The following NELL1 variants were observed in gnomAD, a reference collection of about 807,000 sequenced individuals.
The protein encoded by NELL1 is protein kinase C-binding protein NELL1.
NELL1 carries 76 observed loss-of-function variants against 107.4 expected under a neutral mutation model. That is an observed-to-expected ratio of 0.71 (90% CI 0.59 to 0.86). The LOEUF (loss-of-function observed/expected upper bound fraction) is 0.86, where lower values mean the gene tolerates loss of function less well. NELL1 is among the 40% of genes least tolerant of loss of function. The pLI, the probability that NELL1 is intolerant of heterozygous loss-of-function variation, is 0.00. For missense variants in NELL1, 1,024 were observed against 1,005.5 expected (o/e 1.02, Z -0.25); for synonymous variants, 353 against 341.2 (o/e 1.03, Z -0.38).
chr11:21,327,860 G>A (rs905838024), intron 14 of NELL1, among the ~76,000 whole-genome samples: 1 of 152,096 alleles, frequency 6.6e-6, no homozygotes, highest in Admixed American at 6.6e-5. Context: ...AGAGACTGGT[G>A]GCATTTTGCA....
At chr11:21,527,348 G>A (rs1035819845) in intron 15 of NELL1, among the ~76,000 whole-genome samples, 1 of 152,068 alleles carries the variant, frequency 6.6e-6, no homozygotes, top group Non-Finnish European at 1.5e-5. Context: ...TGTCTTCTGA[G>A]CATCCCGAGT....
At chr11:21,072,318 G>T (rs1854034562) in intron 12 of NELL1, among the ~76,000 whole-genome samples, 1 of 152,142 alleles carries the variant, frequency 6.6e-6, no homozygotes, top group South Asian at 2.1e-4. Context: ...TTATTTGAAG[G>T]AAAGAACAAT....
intron 3 of NELL1, among the ~76,000 whole-genome samples, chr11:20,833,926 G>A (rs961677989): frequency 6.6e-6 from 1 of 152,212 alleles, no homozygotes. Context: ...AGGGGCTAAA[G>A]CATGTAGTTT....
chr11:20,693,197 G>A (rs1384835295), intron 2 of NELL1, among the ~76,000 whole-genome samples: 2 of 151,806 alleles, frequency 1.3e-5, no homozygotes, highest in Non-Finnish European at 2.9e-5. Context: ...CGTGAGATGG[G>A]TTTCCTGAAT....
intron 4 of NELL1, among the ~76,000 whole-genome samples, chr11:20,853,389 C>T (rs1234417059): frequency 4.6e-5 from 7 of 152,114 alleles, no homozygotes; most frequent in Non-Finnish European, 7.3e-5. Flanking sequence ...TTTTATGTAA[C>T]GATGCAGGAG....
At chr11:21,299,509 A>ATGTG (rs1443374912) in intron 14 of NELL1, among the ~76,000 whole-genome samples, 2 of 106,568 alleles carry the variant, frequency 1.9e-5, no homozygotes, top group African/African-American at 3.8e-5. Flanking sequence ...TTATTGTCTT[A>ATGTG]TATGTGTGTG....
chr11:21,511,522 A>T (rs998198882), intron 15 of NELL1, among the ~76,000 whole-genome samples: 12 of 152,192 alleles, frequency 7.9e-5, no homozygotes, highest in African/African-American at 2.9e-4. Context: ...ATAAAGATAT[A>T]TGCTGGATCA....
chr11:21,252,168 CA>C (rs1858656145), intron 14 of NELL1, among the ~76,000 whole-genome samples: 1 of 152,140 alleles, frequency 6.6e-6, no homozygotes, highest in South Asian at 2.1e-4. Context: ...TAGTAAATGG[CA>C]GAAACAAGAT....
chr11:21,296,879 T>C lies in NELL1; in HGVS notation c.1549+67425T>C, dbSNP rs529363246. Reference sequence around the variant, plus strand: ...ATAATATTTCTATACTAATATATAATATAGTCCATGAAATGATATACTTAA... The same window carrying C: ...ATAATATTTCTATACTAATATATAACATAGTCCATGAAATGATATACTTAA... On this transcript the variant is annotated intron_variant, in intron 14 of 19. Transcript: ENST00000357134. Among the ~76,000 whole-genome samples the C allele has an allele frequency of 2.6e-5, 4 of 151,610 alleles. No homozygotes were observed. In the South Asian group the frequency reaches 8.3e-4, roughly 31 times the overall value.
rs79330260 is a variant in NELL1 at position 20,782,661 on chromosome 11, T to C, written c.185-1019T>C. On this transcript the variant is annotated intron_variant, in intron 2 of 19. Transcript: ENST00000357134. The stretch of plus-strand genomic sequence containing the variant: ...TTCTATGTTTTTCAAGGGCTTCCCA[T>C]GTAGTCCTGGAGAAATAACCATGTA... Among the ~76,000 whole-genome samples the C allele has an allele frequency of 2.4e-3, 371 of 152,314 alleles. 1 individual carries two copies. Among genetic ancestry groups the C allele is most frequent in the African/African-American group, 8.6e-3 (356 of 41,570 alleles).
At chr11:21,322,607 T>A (rs537506532) in intron 14 of NELL1, among the ~76,000 whole-genome samples, 1 of 152,252 alleles carries the variant, frequency 6.6e-6, no homozygotes, top group East Asian at 1.9e-4. Flanking sequence ...TCCATTCTAG[T>A]CTGGTCTAGT....
At chr11:21,104,999 C>T (rs1425863507) in intron 12 of NELL1, among the ~76,000 whole-genome samples, 2 of 152,130 alleles carry the variant, frequency 1.3e-5, no homozygotes, top group African/African-American at 4.8e-5. Flanking sequence ...TCCTAATTAT[C>T]TCCTAAGGGC....
intron 2 of NELL1, among the ~76,000 whole-genome samples, chr11:20,722,847 G>A (rs911430494): frequency 1.3e-5 from 2 of 152,170 alleles, no homozygotes; most frequent in African/African-American, 2.4e-5. Context: ...CTGAGACTGG[G>A]TAATTTATAA....
At chr11:21,498,664 A>G (rs1427137844) in intron 15 of NELL1, among the ~76,000 whole-genome samples, 3 of 152,106 alleles carry the variant, frequency 2.0e-5, no homozygotes, top group South Asian at 2.1e-4. Flanking sequence ...TCTTTAGGGT[A>G]TATATCAAGA....
intron 5 of NELL1, among the ~76,000 whole-genome samples, chr11:20,892,561 G>A (rs1298841914): frequency 6.6e-6 from 1 of 152,198 alleles, no homozygotes; most frequent in African/African-American, 2.4e-5. Context: ...AACACCATTT[G>A]ACCCAGCAGT....
intron 15 of NELL1, among the ~76,000 whole-genome samples, chr11:21,491,983 G>T (rs139759570): frequency 6.6e-6 from 1 of 151,868 alleles, no homozygotes. Context: ...GTTCACTTTC[G>T]CAACCTACTC....
At chr11:21,089,897 C>T (rs910854396) in intron 12 of NELL1, among the ~76,000 whole-genome samples, 1 of 152,154 alleles carries the variant, frequency 6.6e-6, no homozygotes, top group East Asian at 1.9e-4. Context: ...TTTCCTGGAA[C>T]AAGTGCGGGC....
At chr11:21,383,798 C>CT (rs1485521151) in intron 15 of NELL1, 8 of 151,474 alleles carry the variant, frequency 5.3e-5, no homozygotes, top group African/African-American at 1.5e-4. Flanking sequence ...CCTCAAAATG[C>CT]TTTTTTTACA....
chr11:20,822,285 C>T (rs952560268), intron 3 of NELL1, among the ~76,000 whole-genome samples: 4 of 152,174 alleles, frequency 2.6e-5, no homozygotes, highest in African/African-American at 7.2e-5. Context: ...ACTCAGAGAG[C>T]ACTTGGGTAA....
Sources: gnomAD v4.1 joint callset for allele counts (sites outside exome capture counted in the v4.1 genomes callset) on GRCh38, gnomAD v4.1.1 for gene constraint, MANE v1.5 for transcripts, NCBI Gene and HGNC (gene_info 2026-07-23, HGNC 2026-07-21) for gene names.